RNLS: variants seen among roughly 807,000 people sequenced by gnomAD.
RNLS encodes the protein renalase.
RNLS carries 39 observed loss-of-function variants against 39.8 expected under a neutral mutation model. The ratio of observed to expected loss-of-function variants is 0.98; its 90% CI spans 0.76 to 1.28. The LOEUF (loss-of-function observed/expected upper bound fraction) is 1.28. Ranked by LOEUF, RNLS falls within the 50% of genes most tolerant of loss-of-function variation. The pLI is 0.00. For synonymous variants in RNLS, 147 were observed against 150.7 expected (o/e 0.98, Z 0.18); for missense variants, 410 against 413.3 (o/e 0.99, Z 0.07).
the RNLS span, among the ~76,000 whole-genome samples, chr10:88,262,680 A>G: frequency 1.2e-4 from 19 of 152,300 alleles, no homozygotes; most frequent in African/African-American, 4.6e-4. Flanking sequence ...AAAATTTGTA[A>G]CCCAGAGAAA....
the RNLS span, among the ~76,000 whole-genome samples, chr10:88,212,033 C>T: frequency 6.6e-6 from 1 of 152,264 alleles, no homozygotes; most frequent in Non-Finnish European, 1.5e-5. Context: ...TAATTGCATT[C>T]CCATCATACA....
At chr10:88,439,925 C>T (rs1324248758) in intron 4 of RNLS, among the ~76,000 whole-genome samples, 2 of 152,192 alleles carry the variant, frequency 1.3e-5, no homozygotes, top group East Asian at 1.9e-4. Flanking sequence ...TCTCCAATTC[C>T]TCCTGTAAGA....
At chr10:88,441,654 T>C (rs1047215243) in intron 4 of RNLS, among the ~76,000 whole-genome samples, 1 of 152,160 alleles carries the variant, frequency 6.6e-6, no homozygotes, top group Non-Finnish European at 1.5e-5. Context: ...GGCATAGCAG[T>C]GAGGGCTGCC....
chr10:88,578,603 T>C (rs1850345693), intron 3 of RNLS, among the ~76,000 whole-genome samples: 1 of 152,070 alleles, frequency 6.6e-6, no homozygotes, highest in South Asian at 2.1e-4. Context: ...GAAAAATTTA[T>C]ATAAACTCAA....
chr10:88,439,791 G>C (rs530834327), intron 4 of RNLS, among the ~76,000 whole-genome samples: 57 of 152,286 alleles, frequency 3.7e-4, no homozygotes, highest in Non-Finnish European at 8.1e-4. Flanking sequence ...TCCACATCCA[G>C]GTCTTGCTTT....
intron 4 of RNLS, among the ~76,000 whole-genome samples, chr10:88,530,759 T>G (rs1377409201): frequency 6.6e-6 from 1 of 152,192 alleles, no homozygotes; most frequent in Non-Finnish European, 1.5e-5. Context: ...TCCATTATTA[T>G]TTTTAGTACT....
chr10:88,500,120 T>C (rs1845392440), intron 4 of RNLS, among the ~76,000 whole-genome samples: 1 of 152,110 alleles, frequency 6.6e-6, no homozygotes. Context: ...TAAGCAGGCA[T>C]TTATGTCAAT....
chr10:88,486,523 A>G (rs1227623648), intron 4 of RNLS, among the ~76,000 whole-genome samples: 1 of 152,130 alleles, frequency 6.6e-6, no homozygotes, highest in Non-Finnish European at 1.5e-5. Flanking sequence ...TTTACAAGAA[A>G]AAAAAACCAT....
downstream of RNLS, among the ~76,000 whole-genome samples, chr10:88,270,954 G>A (rs1251253284): frequency 6.6e-6 from 1 of 152,206 alleles, no homozygotes; most frequent in Admixed American, 6.5e-5. Flanking sequence ...GCAGGCTGAG[G>A]TGGCTTCCAC....
intron 4 of RNLS, among the ~76,000 whole-genome samples, chr10:88,391,555 T>TA (rs1310062918): frequency 1.3e-5 from 2 of 151,980 alleles, no homozygotes; most frequent in Admixed American, 1.3e-4. Flanking sequence ...AGACTCCGTC[T>TA]AAAAAACAAA....
intron 4 of RNLS, among the ~76,000 whole-genome samples, chr10:88,375,846 T>C (rs1850949714): frequency 1.3e-5 from 2 of 152,052 alleles, no homozygotes; most frequent in African/African-American, 4.8e-5. Context: ...TCCCATAAAA[T>C]ATGGGATTGG....
At chr10:88,215,182 A>C in the RNLS span, among the ~76,000 whole-genome samples, 1 of 151,544 alleles carries the variant, frequency 6.6e-6, no homozygotes. Flanking sequence ...TTATAGTACA[A>C]TTAATATTAC....
At chr10:88,555,748 C>A (rs1196344845) in intron 4 of RNLS, among the ~76,000 whole-genome samples, 1 of 152,182 alleles carries the variant, frequency 6.6e-6, no homozygotes, top group East Asian at 1.9e-4. Context: ...TTTGGTACAG[C>A]TGATGACTTC....
chr10:88,242,262 G>A, the RNLS span, among the ~76,000 whole-genome samples: 1 of 152,110 alleles, frequency 6.6e-6, no homozygotes, highest in Non-Finnish European at 1.5e-5. Flanking sequence ...ACTTAGCATT[G>A]AATCACCTAT....
At chr10:88,451,690 G>T (rs540056398) in intron 4 of RNLS, among the ~76,000 whole-genome samples, 1 of 152,136 alleles carries the variant, frequency 6.6e-6, no homozygotes, top group Non-Finnish European at 1.5e-5. Flanking sequence ...AAAAGCTGTA[G>T]GTAGCACTGA....
At chr10:88,360,566 A>T (rs892539432) in intron 5 of RNLS, among the ~76,000 whole-genome samples, 6 of 152,132 alleles carry the variant, frequency 3.9e-5, no homozygotes, top group Non-Finnish European at 8.8e-5. Flanking sequence ...CCTCCCGAGT[A>T]GCTGGAATTA....
intron 3 of RNLS, among the ~76,000 whole-genome samples, chr10:88,577,293 A>G (rs76350820): frequency 0.018 from 2,703 of 152,264 alleles, 63 homozygotes; most frequent in South Asian, 0.083. Context: ...GAAAATAATC[A>G]ATAAGGAAAG....
At chr10:88,316,495 G>C (rs1845775995) in intron 5 of RNLS, among the ~76,000 whole-genome samples, 2 of 152,176 alleles carry the variant, frequency 1.3e-5, no homozygotes, top group Admixed American at 1.3e-4. Context: ...CAGCAACAGA[G>C]AAAACTACTA....
chr10:88,566,907 A>T lies in RNLS; in HGVS notation c.526+5996T>A, dbSNP rs117263536. Among the ~76,000 whole-genome samples the T allele has an allele frequency of 2.3e-3, 349 of 152,242 alleles. 11 individuals carry two copies. In the East Asian group the frequency reaches 0.06, roughly 26 times the overall value. On this transcript the variant is annotated intron_variant, in intron 4 of 6. Transcript: ENST00000331772. ...AAATGAACACAAAACTAGTAACAAT[A>T]AGATATATACTTATGAAATTACTGG...
Sources: allele counts gnomAD v4.1 joint callset (sites outside exome capture counted in the v4.1 genomes callset), GRCh38; gene constraint gnomAD v4.1.1; transcripts MANE v1.5; gene names NCBI Gene and HGNC (gene_info 2026-07-23, HGNC 2026-07-21).